KIAA0753: variants seen among roughly 807,000 people sequenced by gnomAD.
KIAA0753 encodes the protein KIAA0753, also known as protein moonraker.
Under a neutral mutation model 116.9 loss-of-function variants are expected in KIAA0753, and 114 were observed. That is an observed-to-expected ratio of 0.98 (90% CI 0.84 to 1.14). KIAA0753 has a LOEUF of 1.14. Among genes scored for constraint, KIAA0753 ranks in the 50% most tolerant of loss-of-function variants. The pLI is 0.00. For synonymous variants in KIAA0753, 405 were observed against 413.1 expected (o/e 0.98, Z 0.24); for missense variants, 1,156 against 1,172.4 (o/e 0.99, Z 0.20).
chr17:6,628,802 T>A, intron 2 of KIAA0753, 61 bp from the exon 3 acceptor site: 1 of 1,488,184 alleles, frequency 6.7e-7, no homozygotes, highest in South Asian at 1.4e-5. Context: ...ACAGTTGGTA[T>A]ATGTCTATAA....
intron 4 of KIAA0753, 152 bp downstream of exon 4, chr17:6,624,603 C>T (rs1971546361): frequency 5.3e-6 from 3 of 561,712 alleles, no homozygotes; most frequent in Non-Finnish European, 3.2e-6. Flanking sequence ...AATTATTTGC[C>T]CATGTGTTCA....
At chr17:6,589,123 T>C (rs1968797319) in intron 18 of KIAA0753, among the ~76,000 whole-genome samples, 1 of 152,182 alleles carries the variant, frequency 6.6e-6, no homozygotes, top group Non-Finnish European at 1.5e-5. Context: ...GTTTCCCCCA[T>C]ATTCGTATGT....
chr17:6,610,561 C>T lies in KIAA0753; in HGVS notation c.1546-401G>A, dbSNP rs530869066. On this transcript the variant is annotated intron_variant, in intron 8 of 18. Transcript: ENST00000361413. ...TAAGAGACAGGGTCTTGCTCTGTTG[C>T]CTAGGCTGGAGTGCAGAGGTATGAT... 3.4e-3 allele frequency among the ~76,000 whole-genome samples: 398 copies of T among 118,532 alleles called. 3 individuals carry two copies. The highest frequency in any genetic ancestry group is 0.013 in the African/African-American group (384 of 30,588). The allele number at this position is 118,532 out of a possible 152,430, so 77.8% of individuals were successfully genotyped here. A position where few individuals can be genotyped will look rare whatever the true frequency, so the allele number is the denominator to read the frequency against.
intron 12 of KIAA0753, among the ~76,000 whole-genome samples, chr17:6,602,169 T>C (rs533519874): frequency 2.0e-4 from 30 of 152,348 alleles, no homozygotes; most frequent in African/African-American, 7.0e-4. Context: ...GCACTGCTGA[T>C]GGGAGTATAA....
chr17:6,627,383 T>C (rs777662619), intron 3 of KIAA0753, among the ~76,000 whole-genome samples: 1 of 152,220 alleles, frequency 6.6e-6, no homozygotes, highest in Non-Finnish European at 1.5e-5. Context: ...ATTAATTAAA[T>C]TGAAAATGCA....
intron 14 of KIAA0753, among the ~76,000 whole-genome samples, chr17:6,598,727 A>T (rs1262329668): frequency 6.6e-6 from 1 of 152,260 alleles, no homozygotes; most frequent in African/African-American, 2.4e-5. Flanking sequence ...GACAACAAGA[A>T]AATGTGCTTT....
intron 7 of KIAA0753, among the ~76,000 whole-genome samples, chr17:6,613,280 C>A (rs757122215): frequency 1.3e-5 from 2 of 151,912 alleles, no homozygotes; most frequent in Non-Finnish European, 2.9e-5. Flanking sequence ...GTAAAGGACA[C>A]GAAAGAAAAT....
chr17:6,605,333 G>A (rs780260910), intron 12 of KIAA0753, among the ~76,000 whole-genome samples: 2 of 152,110 alleles, frequency 1.3e-5, no homozygotes, highest in African/African-American at 2.4e-5. Flanking sequence ...GCATTACAGC[G>A]CAGCCCCTCT....
rs746141661 is a variant in KIAA0753, at chr17:6,602,139, C to A, written c.2010-1681G>T. On this transcript the variant is annotated intron_variant, in intron 12 of 18. Transcript: ENST00000361413. Reference sequence around the variant, plus strand: ...TCAATTGTTAGCAAGGATGTGAAACCAATAGAAACGAACTCACATGCACTG... The same window carrying A: ...TCAATTGTTAGCAAGGATGTGAAACAAATAGAAACGAACTCACATGCACTG... 3.9e-5 allele frequency among the ~76,000 whole-genome samples: 6 copies of A among 152,120 alleles called. No individual in the cohort carries two copies. The East Asian group carries it at 9.6e-4, about 24-fold the overall frequency.
rs1264954933 is a variant in KIAA0753 at position 6,635,171 on chromosome 17, C to T, written c.-68G>A. The T allele has an allele frequency of 8.3e-7, 1 of 1,210,862 alleles. No homozygotes were observed. The highest frequency in any genetic ancestry group is 1.2e-6 in the Non-Finnish European group (1 of 816,568). The allele number at this position is 1,210,862 out of a possible 1,614,324, so 75.0% of individuals were successfully genotyped here. A position where few individuals can be genotyped will look rare whatever the true frequency, so the allele number is the denominator to read the frequency against. On this transcript the variant is annotated splice_region_variant and 5_prime_UTR_variant, in exon 2 of 19. Coordinates refer to ENST00000361413, the MANE Select transcript of KIAA0753 (RefSeq NM_014804.3). The stretch of plus-strand genomic sequence containing the variant: ...GGCAACAGTCTTCCCTAAAACCATT[C>T]CTAAAACGAAACAAAGCTACTTCAG...
intron 2 of KIAA0753, among the ~76,000 whole-genome samples, chr17:6,629,500 G>A (rs1035059322): frequency 1.3e-5 from 2 of 152,092 alleles, no homozygotes; most frequent in Non-Finnish European, 2.9e-5. Flanking sequence ...CATGCATTTA[G>A]TTTTTTAACC....
chr17:6,599,043 G>C (rs1597492789), intron 14 of KIAA0753, among the ~76,000 whole-genome samples, 194 bp downstream of exon 14: 1 of 152,314 alleles, frequency 6.6e-6, no homozygotes, highest in East Asian at 1.9e-4. Context: ...TTTGTGCTCT[G>C]TTTGCAGGGC....
intron 16 of KIAA0753, among the ~76,000 whole-genome samples, chr17:6,593,945 G>A (rs752153883): frequency 6.6e-6 from 1 of 152,108 alleles, no homozygotes; most frequent in African/African-American, 2.4e-5. Context: ...TCACCAGGAT[G>A]GTTACCACAA....
intron 18 of KIAA0753, among the ~76,000 whole-genome samples, chr17:6,581,952 G>A (rs1968210233): frequency 6.6e-6 from 1 of 152,154 alleles, no homozygotes; most frequent in Non-Finnish European, 1.5e-5. Flanking sequence ...TTCATCTGGT[G>A]CCTCTTCATG....
In KIAA0753 at chr17:6,628,265, C is replaced by A. The variant is rs370512281; in HGVS notation, c.570G>T (p.Ser190=). The A allele has an allele frequency of 6.2e-7, 1 of 1,613,994 alleles. No homozygotes were observed. Among genetic ancestry groups the A allele is most frequent in the Non-Finnish European group, 8.5e-7 (1 of 1,180,004 alleles). Residue 190 remains serine (S), a synonymous_variant, in exon 3 of 19, where the codon TCG becomes TCT. Transcript: ENST00000361413. ...PGQSDLTVPN[S]PPTHDPGLQP... is the part of the protein sequence containing the mutation. Reference sequence around the variant, plus strand: ...GAAGTCCCGGATCATGGGTGGGTGGCGAATTTGGCACAGTAAGATCTGACT... The same window carrying A: ...GAAGTCCCGGATCATGGGTGGGTGGAGAATTTGGCACAGTAAGATCTGACT...
intron 1 of KIAA0753, chr17:6,637,342 G>C (rs1972392492): frequency 6.6e-6 from 1 of 152,242 alleles, no homozygotes; most frequent in Non-Finnish European, 1.5e-5. Flanking sequence ...GACACCTTCA[G>C]AGCCTGTCTC....
intron 10 of KIAA0753, among the ~76,000 whole-genome samples, chr17:6,607,757 C>G (rs1318992297): frequency 1.3e-5 from 2 of 152,200 alleles, no homozygotes; most frequent in Non-Finnish European, 2.9e-5. Flanking sequence ...TTTCCCATAA[C>G]TGTAAGAATA....
Position 6,594,991 on chromosome 17 carries a change from C to T in KIAA0753, c.2421G>A (p.Trp807Ter), listed in dbSNP as rs764505034. Residue 807 changes from tryptophan to a stop codon, truncating the protein, a stop_gained, in exon 16 of 19, where the codon TGG becomes TGA. Coordinates refer to ENST00000361413, the MANE Select transcript of KIAA0753 (RefSeq NM_014804.3). LOFTEE classifies it high-confidence loss of function. ...NKIAYADPRL[W>*]MQEENNDQKI... ...ACTCACCATTGTTTTCTTCCTGCAT[C>T]CAAAGTCGAGGATCAGCATATGCGA... The T allele has an allele frequency of 6.2e-7, 1 of 1,611,418 alleles. No homozygotes were observed. Among genetic ancestry groups the T allele is most frequent in the South Asian group, 1.1e-5 (1 of 90,776 alleles).
Position 6,590,632 on chromosome 17 carries a change from T to C in KIAA0753, c.2441-2A>G, listed in dbSNP as rs1020244664. The C allele has an allele frequency of 6.2e-7, 1 of 1,613,594 alleles. No individual in the cohort carries two copies. Among genetic ancestry groups the C allele is most frequent in the Non-Finnish European group, 8.5e-7 (1 of 1,179,632 alleles). On this transcript the variant is annotated splice_acceptor_variant, in intron 16 of 18. Transcript: ENST00000361413. LOFTEE classifies it high-confidence loss of function. The stretch of plus-strand genomic sequence containing the variant: ...CACTTATTGCTGAGATTTTTTGGTC[T>C]AGAAAAGGAGGGTCATAAAATGACT...
Sources: gnomAD v4.1 joint callset for allele counts (sites outside exome capture counted in the v4.1 genomes callset) on GRCh38, gnomAD v4.1.1 for gene constraint, MANE v1.5 for transcripts, NCBI Gene and HGNC (gene_info 2026-07-23, HGNC 2026-07-21) for gene names.